ACSM3: variants seen among roughly 807,000 people sequenced by gnomAD.
The protein encoded by ACSM3 is acyl-CoA synthetase medium chain family member 3.
ACSM3 carries 61 observed loss-of-function variants against 74.1 expected under a neutral mutation model. The observed-to-expected ratio is 0.82, with a 90% confidence interval of 0.67 to 1.02. The LOEUF is 1.02. Among genes scored for constraint, ACSM3 ranks in the 50% least tolerant of loss-of-function variants. The pLI is 0.00. For missense variants in ACSM3, 660 were observed against 697.0 expected, an observed-to-expected ratio of 0.95 and a Z score of 0.60; for synonymous variants, 213 against 241.5, an observed-to-expected ratio of 0.88 and a Z score of 1.09.
chr16:20,718,029 A>G (rs1196370113), intron 1 of ACSM3, among the ~76,000 whole-genome samples: 10 of 124,288 alleles, frequency 8.0e-5, no homozygotes, highest in South Asian at 2.5e-4. Context: ...AGAAGAAGAA[A>G]AGAAAGAAGA....
At position 20,737,165 on chromosome 16, in the gene ACSM3, AAAC is replaced by A. The variant is rs772419789; in HGVS notation, c.-189-12740_-189-12738del. On this transcript the variant is annotated intron_variant, in intron 1 of 3. Transcript: ENST00000561584. ...CCACCTCCTGGAGATTGTATTTTCT[AAAC>A]AACATGTAATCTTTCACAACACTCA... The A allele has an allele frequency of 6.2e-7, 1 of 1,614,200 alleles. No individual in the cohort carries two copies. The highest frequency in any genetic ancestry group is 8.5e-7 in the Non-Finnish European group (1 of 1,180,034).
intron 1 of ACSM3, chr16:20,742,064 C>CCAA: frequency 7.4e-7 from 1 of 1,358,640 alleles, no homozygotes; most frequent in Non-Finnish European, 9.5e-7. Flanking sequence ...CTTCTTCCAC[C>CCAA]CAACCTTGGT....
At chr16:20,677,218 A>T (rs1229100442) in intron 1 of ACSM3, among the ~76,000 whole-genome samples, 1 of 141,264 alleles carries the variant, frequency 7.1e-6, no homozygotes, top group African/African-American at 2.6e-5. Flanking sequence ...GAAGACTTTT[A>T]AAGAAATTAA....
chr16:20,743,491 A>G (rs969856622), intron 1 of ACSM3, among the ~76,000 whole-genome samples: 5 of 152,236 alleles, frequency 3.3e-5, no homozygotes, highest in African/African-American at 1.2e-4. Context: ...TTTAAAAAAC[A>G]AGTGCTTCTC....
chr16:20,717,153 C>T lies in ACSM3; in HGVS notation c.-189-32757C>T, dbSNP rs113854130. Among the ~76,000 whole-genome samples, 72 of 152,306 alleles carry T rather than the reference C, an allele frequency of 4.7e-4. 1 individual carries two copies. The highest frequency in any genetic ancestry group is 1.3e-3 in the African/African-American group (54 of 41,566). On this transcript the variant is annotated intron_variant, in intron 1 of 3. Transcript: ENST00000561584. The stretch of plus-strand genomic sequence containing the variant: ...CTATGGTAGCTCCAGACATCCTGTA[C>T]GTGCACAAAACTCAAAGGCCATAAA...
Position 20,790,761 on chromosome 16 carries a change from A to C in ACSM3, c.1326+73A>C. The C allele has an allele frequency of 1.2e-6, 2 of 1,613,522 alleles. No homozygotes were observed. The highest frequency in any genetic ancestry group is 4.5e-5 in the East Asian group (2 of 44,870). On this transcript the variant is annotated intron_variant, in intron 10 of 13. Transcript: ENST00000289416. The surrounding 1 kb of genome is among the most constrained non-coding windows in gnomAD (Gnocchi z 4.0). ...CTTGGTAACAATCCCTGTTTGCCAC[A>C]AAACATACCTAGGATAGGTACTTGA...
chr16:20,796,102 C>A, intron 12 of ACSM3: 1 of 348,422 alleles, frequency 2.9e-6, no homozygotes. Flanking sequence ...ACATGGCAAA[C>A]TCAGCGTGAC....
At chr16:20,736,819 G>GC in intron 1 of ACSM3, 2 of 1,536,536 alleles carry the variant, frequency 1.3e-6, no homozygotes, top group Middle Eastern at 1.8e-4. Context: ...TTAAGGTGGA[G>GC]CCCCAGCAAC....
chr16:20,740,306 G>A (rs1294450660), intron 1 of ACSM3, among the ~76,000 whole-genome samples: 1 of 152,188 alleles, frequency 6.6e-6, no homozygotes, highest in African/African-American at 2.4e-5. Context: ...GAGGCAGGAG[G>A]ACTGCTTCAG....
At chr16:20,690,766 C>A (rs1046052914) in intron 1 of ACSM3, among the ~76,000 whole-genome samples, 2 of 152,178 alleles carry the variant, frequency 1.3e-5, no homozygotes, top group Non-Finnish European at 2.9e-5. Context: ...TACCTATTTT[C>A]TTGTTTTTAA....
intron 1 of ACSM3, chr16:20,711,527 G>C: frequency 3.5e-6 from 5 of 1,421,984 alleles, no homozygotes; most frequent in Non-Finnish European, 4.8e-6. Flanking sequence ...ATCCTCTACC[G>C]GCTGCAAGCA....
At chr16:20,741,544 T>G in intron 1 of ACSM3, 1 of 1,357,012 alleles carries the variant, frequency 7.4e-7, no homozygotes, top group Non-Finnish European at 9.8e-7. Flanking sequence ...CCGTATTCGT[T>G]GAGGAGGCTG....
At chr16:20,759,348 G>A (rs1054085941), upstream of ACSM3, among the ~76,000 whole-genome samples, 16 of 152,140 alleles carry the variant, frequency 1.1e-4, no homozygotes, top group Admixed American at 1.0e-3. Flanking sequence ...ATGAGGTCAG[G>A]AGATCGAGAC....
chr16:20,707,798 C>T (rs1038364455), intron 1 of ACSM3, among the ~76,000 whole-genome samples: 2 of 152,098 alleles, frequency 1.3e-5, no homozygotes, highest in Admixed American at 6.5e-5. Context: ...TTTGCTCTTT[C>T]AAATGAAAAG....
At chr16:20,772,478 G>A (rs1172841296) in intron 2 of ACSM3, among the ~76,000 whole-genome samples, 2 of 152,080 alleles carry the variant, frequency 1.3e-5, no homozygotes, top group Non-Finnish European at 2.9e-5. Flanking sequence ...TTCTTCGGTT[G>A]TTTTATAGTT....
At chr16:20,794,101 C>G (rs2080666986) in intron 12 of ACSM3, among the ~76,000 whole-genome samples, 1 of 152,132 alleles carries the variant, frequency 6.6e-6, no homozygotes, top group African/African-American at 2.4e-5. Flanking sequence ...ACGAGGTATC[C>G]ATGAACAAAA....
chr16:20,780,960 CTT>C lies in ACSM3; in HGVS notation c.783-12_783-11del. 6.2e-7 allele frequency: 1 copy of C among 1,614,048 alleles called. No individual in the cohort carries two copies. Among genetic ancestry groups the C allele is most frequent in the East Asian group, 2.2e-5 (1 of 44,892 alleles). ...TTTTCCTATGTACATCAGGGCTACT[CTT>C]TGTTTTCCCAGGTTCTGGCTAGATT... On this transcript the variant is annotated splice_polypyrimidine_tract_variant and intron_variant, in intron 5 of 13. Coordinates refer to ENST00000289416, the MANE Select transcript of ACSM3 (RefSeq NM_005622.4).
At chr16:20,685,836 C>CAAAAAAAAAA (rs2079542783) in intron 1 of ACSM3, among the ~76,000 whole-genome samples, 1 of 108,528 alleles carries the variant, frequency 9.2e-6, no homozygotes, top group Non-Finnish European at 1.9e-5. Flanking sequence ...AAAAAACAAA[C>CAAAAAAAAAA]AAAAAAAAAA....
chr16:20,679,300 G>A (rs202056369), intron 1 of ACSM3: 1 of 152,262 alleles, frequency 6.6e-6, no homozygotes, highest in South Asian at 2.1e-4. Context: ...CCACCAGTAA[G>A]AAGGACAACT....
Sources: gnomAD v4.1 joint callset for allele counts (sites outside exome capture counted in the v4.1 genomes callset) on GRCh38, gnomAD v4.1.1 for gene constraint, Gnocchi (gnomAD v3.1) non-coding constraint, MANE v1.5 for transcripts, NCBI Gene and HGNC (gene_info 2026-07-23, HGNC 2026-07-21) for gene names.